The following ANO9 variants were observed in gnomAD, a reference collection of about 807,000 sequenced individuals.
ANO9 encodes anoctamin-9.
Under a neutral mutation model 100.5 loss-of-function variants are expected in ANO9, and 80 were observed. The observed-to-expected ratio is 0.80, with a 90% CI of 0.66 to 0.96. The LOEUF is 0.96. Among genes scored for constraint, ANO9 ranks in the 40% least tolerant of loss-of-function variants. ANO9 has a pLI of 0.00. For synonymous variants in ANO9, 473 were observed against 435.6 expected (o/e 1.09, Z -1.07); for missense variants, 1,064 against 1,072.7 (o/e 0.99, Z 0.11).
chr11:432,087 C>G lies in ANO9; in HGVS notation c.351-33G>C. 1 of 1,610,890 alleles carries G rather than the reference C, an allele frequency of 6.2e-7. No individual in the cohort carries two copies. The highest frequency in any genetic ancestry group is 8.5e-7 in the Non-Finnish European group (1 of 1,178,854). On this transcript the variant is annotated intron_variant, in intron 4 of 22. Transcript: ENST00000332826. The surrounding 1 kb of genome is among the most constrained non-coding windows in gnomAD (Gnocchi z 4.8). ...GCCAGAGCAGGGTGGCCCCGTGTGA[C>G]CACAGTGGACCCTGCCTCCAGGTCT... is the stretch of plus-strand genomic sequence containing the variant.
In ANO9 at chr11:422,987, G is replaced by A. The variant is rs7944205; in HGVS notation, c.1335-1789C>T. Among the ~76,000 whole-genome samples the A allele has an allele frequency of 0.79, 120,412 of 151,758 alleles. 48,043 individuals carry two copies. Among genetic ancestry groups the A allele is most frequent in the East Asian group, 1 (5,150 of 5,162 alleles). ...TGGGATTACAGGTGCGCGCCACCAC[G>A]CCTGGCTAATTTTTGTATATTTAGT... On this transcript the variant is annotated intron_variant, in intron 15 of 22. Transcript: ENST00000332826. The surrounding 1 kb of genome is among the most constrained non-coding windows in gnomAD (Gnocchi z 4.3).
Position 421,120 on chromosome 11 carries a change from T to C in ANO9, c.1392+21A>G. The C allele has an allele frequency of 6.4e-7, 1 of 1,574,016 alleles. No individual in the cohort carries two copies. Among genetic ancestry groups the C allele is most frequent in the Non-Finnish European group, 8.7e-7 (1 of 1,154,194 alleles). On this transcript the variant is annotated intron_variant, in intron 16 of 22. Transcript: ENST00000332826. This position sits in a 1 kb window ranked among gnomAD's most constrained non-coding sequence, Gnocchi z 6.8. Reference sequence around the variant, plus strand: ...GGAGCAGTGGCTCAGGGACAGGGCATGAAGCCTGGGGGTGACTGACCTCTT... The same window carrying C: ...GGAGCAGTGGCTCAGGGACAGGGCACGAAGCCTGGGGGTGACTGACCTCTT...
In ANO9 at chr11:419,644, G is replaced by T; in HGVS notation, c.1872C>A (p.Ile624=). The change falls in exon 20 of 23, where the codon ATC becomes ATA. Residue 624 remains isoleucine (I), a synonymous_variant. Transcript: ENST00000332826. ...GMVIAFTSEF[I]PRVVYKYRYS... ...AGCGGTACTTGTAGACCACTCGGGG[G>T]ATGAACTCAGATGTGAAGGCAATGA... The T allele has an allele frequency of 1.2e-6, 2 of 1,613,574 alleles. No individual in the cohort carries two copies. Among genetic ancestry groups the T allele is most frequent in the South Asian group, 2.2e-5 (2 of 91,082 alleles).
chr11:433,030 C>G (rs751370727), intron 4 of ANO9: 8 of 430,804 alleles, frequency 1.9e-5, no homozygotes, highest in Admixed American at 4.3e-5. Context: ...AAATCCTGCC[C>G]AACCCCTAAG....
intron 1 of ANO9, among the ~76,000 whole-genome samples, chr11:435,137 G>A (rs1490131289): frequency 6.6e-6 from 1 of 151,502 alleles, no homozygotes; most frequent in East Asian, 1.9e-4. Context: ...TAGTGTAGTA[G>A]GGTATAGTAT....
At chr11:435,206 ATAGCATAGGG>A (rs1400505604) in intron 1 of ANO9, among the ~76,000 whole-genome samples, 7 of 151,074 alleles carry the variant, frequency 4.6e-5, no homozygotes, top group African/African-American at 1.7e-4. Context: ...ATAGCATAGT[ATAGCATAGGG>A]TAGCATAGGG....
intron 3 of ANO9, 137 bp downstream of exon 3, chr11:433,678 C>A: frequency 1.4e-6 from 2 of 1,434,732 alleles, no homozygotes; most frequent in Non-Finnish European, 1.8e-6. Context: ...AGCCTCCAAG[C>A]CTGGCCCTCC....
chr11:422,260 C>T lies in ANO9; in HGVS notation c.1335-1062G>A, dbSNP rs573935462. On this transcript the variant is annotated intron_variant, in intron 15 of 22. Transcript: ENST00000332826. The surrounding 1 kb of genome is among the most constrained non-coding windows in gnomAD (Gnocchi z 4.3). The stretch of plus-strand genomic sequence containing the variant: ...CATGAAAGACTTGCAGGGAGAACCT[C>T]GTTCTCCCATAAGAAAACGGAGGAT... Among the ~76,000 whole-genome samples the T allele has an allele frequency of 1.2e-4, 19 of 152,288 alleles. No homozygotes were observed. The highest frequency in any genetic ancestry group is 3.3e-4 in the Admixed American group (5 of 15,288).
intron 19 of ANO9, 133 bp downstream of exon 19, chr11:420,330 A>C (rs1292909734): frequency 6.8e-7 from 1 of 1,467,708 alleles, no homozygotes; most frequent in East Asian, 2.5e-5. Context: ...AGGCCGTCGG[A>C]GAAGGGCTGG....
At chr11:434,144 G>T in intron 1 of ANO9, 46 bp from the exon 2 acceptor site, 1 of 1,541,426 alleles carries the variant, frequency 6.5e-7, no homozygotes, top group South Asian at 1.2e-5. Flanking sequence ...TGTGATTGGG[G>T]GCTAGATGCC....
At chr11:419,391 C>A in intron 20 of ANO9, 191 bp downstream of exon 20, 1 of 1,423,808 alleles carries the variant, frequency 7.0e-7, no homozygotes, top group Non-Finnish European at 9.1e-7. Context: ...GCCAGTTATC[C>A]CTGACCTCCA....
At position 428,467 on chromosome 11, in the gene ANO9, G is replaced by T; in HGVS notation, c.1185+8C>A. On this transcript the variant is annotated splice_region_variant and intron_variant, in intron 13 of 22. Transcript: ENST00000332826. ...CCCAGCTCGGGCCTGCCCTGCTCCC[G>T]GCCCCACCTTGGTCATGATGATGAT... is the stretch of plus-strand genomic sequence containing the variant. The T allele has an allele frequency of 6.2e-7, 1 of 1,612,364 alleles. No individual in the cohort carries two copies. Among genetic ancestry groups the T allele is most frequent in the Non-Finnish European group, 8.5e-7 (1 of 1,179,714 alleles).
intron 1 of ANO9, among the ~76,000 whole-genome samples, chr11:441,676 C>T (rs1161647841): frequency 2.0e-5 from 3 of 152,168 alleles, no homozygotes; most frequent in African/African-American, 7.2e-5. Flanking sequence ...CTCAGAATCC[C>T]GGGCTGGAGG....
rs773235744 is a variant in ANO9, at chr11:428,787, T to C, written c.955A>G (p.Lys319Glu). The C allele has an allele frequency of 6.2e-7, 1 of 1,613,284 alleles. No homozygotes were observed. Among genetic ancestry groups the C allele is most frequent in the Non-Finnish European group, 8.5e-7 (1 of 1,179,922 alleles). ...ALQLINCPDY[K>E]LRPYQHSYLR... ...TAGGAGTGCTGGTATGGCCGGAGCT[T>C]GTAGTCGGGGCAGTTAATGAGCTGA... Residue 319 changes from lysine to glutamate, a missense_variant, in exon 12 of 23, where the codon AAG (lysine) becomes GAG (glutamate). Coordinates refer to ENST00000332826, the MANE Select transcript of ANO9 (RefSeq NM_001012302.3).
At chr11:437,176 G>T (rs1462728326) in intron 1 of ANO9, among the ~76,000 whole-genome samples, 1 of 151,998 alleles carries the variant, frequency 6.6e-6, no homozygotes, top group Admixed American at 6.5e-5. Context: ...GATCTCGGCT[G>T]CTCCTTATGA....
intron 4 of ANO9, 167 bp downstream of exon 4, chr11:433,147 G>A: frequency 2.3e-6 from 2 of 874,664 alleles, no homozygotes; most frequent in Admixed American, 3.2e-5. Flanking sequence ...GGGAAGCTGA[G>A]GCTCACACAG....
rs1455310237 is a variant in ANO9, at chr11:428,393, A to G, written c.1187T>C (p.Ile396Thr). ...AAGCTTCAGGGCCACGCACCTGTTG[A>G]TCTGCGGAGGAGGGCACCGAATGGG... ...HYVTIIIMTK[I>T]NRCVALKLCD... is the part of the protein sequence containing the mutation. Residue 396 changes from isoleucine (I) to threonine (T), a missense_variant and splice_region_variant, in exon 14 of 23, where the codon ATC (isoleucine) becomes ACC (threonine). Physicochemically the swap from Ile to Thr is moderately conservative, Grantham distance 89. Coordinates refer to ENST00000332826, the MANE Select transcript of ANO9 (RefSeq NM_001012302.3). 8 of 1,612,512 alleles carry G rather than the reference A, an allele frequency of 5.0e-6. No homozygotes were observed. The highest frequency in any genetic ancestry group is 6.8e-6 in the Non-Finnish European group (8 of 1,179,930).
Position 420,815 on chromosome 11 carries a change from C to T in ANO9, c.1536G>A (p.Gly512=), listed in dbSNP as rs757654418. 6.3e-7 allele frequency: 1 copy of T among 1,593,056 alleles called. No homozygotes were observed. The highest frequency in any genetic ancestry group is 1.1e-5 in the South Asian group (1 of 89,740). The change falls in exon 18 of 23, where the codon GGG becomes GGA. Residue 512 remains glycine, a synonymous_variant. Coordinates refer to ENST00000332826, the MANE Select transcript of ANO9 (RefSeq NM_001012302.3). ...TGAGCTCGGGGTCCCGGGGCAGGTG[C>T]CCGGACTCGGAGGCCCGCAGAGAGC... ...KCRSLRASES[G]HLPRDPELRD... is the part of the protein sequence containing the mutation.
intron 15 of ANO9, among the ~76,000 whole-genome samples, chr11:424,232 GA>G (rs1369390104): frequency 6.6e-6 from 1 of 152,192 alleles, no homozygotes; most frequent in Non-Finnish European, 1.5e-5. Context: ...GGAGTGGCAT[GA>G]AAAAATAGAA....
Sources: allele counts gnomAD v4.1 joint callset (sites outside exome capture counted in the v4.1 genomes callset), GRCh38; gene constraint gnomAD v4.1.1; non-coding constraint Gnocchi (gnomAD v3.1); transcripts MANE v1.5; gene names NCBI Gene and HGNC (gene_info 2026-07-23, HGNC 2026-07-21).